VAC14: variants seen among roughly 807,000 people sequenced by gnomAD.
The protein encoded by VAC14 is VAC14 component of PIKFYVE complex.
In VAC14, 47 loss-of-function variants were observed where a neutral mutation model predicts 85.3. The ratio of observed to expected loss-of-function variants is 0.55; its 90% confidence interval spans 0.44 to 0.70. The LOEUF is 0.70. Ranked by LOEUF, VAC14 falls within the 30% of genes least tolerant of loss-of-function variation. VAC14 has a pLI of 0.00. For missense variants in VAC14, 861 were observed against 1,004.3 expected (o/e 0.86, Z 1.93); for synonymous variants, 447 against 430.5 (o/e 1.04, Z -0.47).
chr16:70,736,465 G>C (rs12447429), intron 13 of VAC14, among the ~76,000 whole-genome samples: 1 of 152,196 alleles, frequency 6.6e-6, no homozygotes, highest in African/African-American at 2.4e-5. Context: ...TGAGGAAGAA[G>C]GGGGGCCACC....
At chr16:70,797,676 G>C (rs1235835418) in intron 1 of VAC14, among the ~76,000 whole-genome samples, 1 of 152,200 alleles carries the variant, frequency 6.6e-6, no homozygotes, top group African/African-American at 2.4e-5. Flanking sequence ...CCCAGTGTTG[G>C]AGATGGGGCC....
intron 10 of VAC14, 88 bp downstream of exon 10, chr16:70,772,021 C>T: frequency 7.9e-7 from 1 of 1,261,214 alleles, no homozygotes; most frequent in African/African-American, 1.5e-5. Context: ...TAGAATTTGC[C>T]TTGGGTCATT....
At chr16:70,729,054 C>A (rs1166373234) in intron 14 of VAC14, among the ~76,000 whole-genome samples, 1 of 152,210 alleles carries the variant, frequency 6.6e-6, no homozygotes, top group Non-Finnish European at 1.5e-5. Flanking sequence ...GTCTCTCTGA[C>A]ACGGTGGTTC....
intron 12 of VAC14, among the ~76,000 whole-genome samples, chr16:70,753,703 A>G (rs1427494077): frequency 6.6e-6 from 1 of 152,176 alleles, no homozygotes; most frequent in Non-Finnish European, 1.5e-5. Context: ...ACGACTGAGG[A>G]AGGCCGGGAG....
chr16:70,700,623 G>A (rs934907947), intron 14 of VAC14, among the ~76,000 whole-genome samples: 1 of 152,232 alleles, frequency 6.6e-6, no homozygotes, highest in Admixed American at 6.5e-5. Context: ...TGGCTGCAGA[G>A]GGAAAGCCCA....
chr16:70,745,840 G>C (rs1597925430), intron 12 of VAC14, among the ~76,000 whole-genome samples: 1 of 20,880 alleles, frequency 4.8e-5, no homozygotes, highest in Non-Finnish European at 2.1e-4. Flanking sequence ...CTTCAGCCCT[G>C]GACCAGGGAA....
At chr16:70,783,225 C>T in intron 6 of VAC14, 86 bp from the exon 7 acceptor site, 1 of 1,417,286 alleles carries the variant, frequency 7.1e-7, no homozygotes, top group Non-Finnish European at 9.8e-7. Flanking sequence ...CGTGCTGGGT[C>T]AGCCACCCAG....
At position 70,790,372 on chromosome 16, in the gene VAC14, T is replaced by C. The variant is rs187583339; in HGVS notation, c.105-4007A>G. Among the ~76,000 whole-genome samples the C allele has an allele frequency of 5.0e-4, 76 of 152,130 alleles. No individual in the cohort carries two copies. In the East Asian group the frequency reaches 0.01, roughly 21 times the overall value. On this transcript the variant is annotated intron_variant, in intron 1 of 18. Transcript: ENST00000261776. ...AGAAAAGCCACAGGTGGAGGGGAAG[T>C]AGGTGACAGGGTTGGAAAAGCTGCT...
At chr16:70,780,375 G>A (rs760528451) in intron 9 of VAC14, among the ~76,000 whole-genome samples, 8 of 152,024 alleles carry the variant, frequency 5.3e-5, no homozygotes, top group African/African-American at 1.7e-4. Context: ...GGACGTCTAC[G>A]GCCAAGAATC....
At chr16:70,732,748 T>C (rs563874468) in intron 13 of VAC14, among the ~76,000 whole-genome samples, 1 of 152,052 alleles carries the variant, frequency 6.6e-6, no homozygotes, top group Non-Finnish European at 1.5e-5. Flanking sequence ...ATTCAAGCTA[T>C]CCTCTTGTCC....
At chr16:70,765,338 G>A (rs1024581122) in intron 10 of VAC14, among the ~76,000 whole-genome samples, 1 of 152,160 alleles carries the variant, frequency 6.6e-6, no homozygotes, top group Non-Finnish European at 1.5e-5. Flanking sequence ...GGGCGGTGCC[G>A]TGACCAGGTC....
At chr16:70,759,307 G>T (rs1435843177) in intron 12 of VAC14, among the ~76,000 whole-genome samples, 1 of 152,212 alleles carries the variant, frequency 6.6e-6, no homozygotes, top group African/African-American at 2.4e-5. Flanking sequence ...CGAAGGATCT[G>T]GGGGCTGAAG....
chr16:70,755,807 C>T (rs1418099927), intron 12 of VAC14, among the ~76,000 whole-genome samples: 1 of 152,212 alleles, frequency 6.6e-6, no homozygotes, highest in Non-Finnish European at 1.5e-5. Flanking sequence ...TTAGTGGAAG[C>T]CCCCATTTTG....
At chr16:70,755,656 C>G (rs1460879045) in intron 12 of VAC14, among the ~76,000 whole-genome samples, 1 of 152,238 alleles carries the variant, frequency 6.6e-6, no homozygotes. Flanking sequence ...AGCTGGGGCC[C>G]TCTCCTCCTC....
intron 15 of VAC14, among the ~76,000 whole-genome samples, 183 bp downstream of exon 15, chr16:70,698,454 T>C (rs2053757584): frequency 6.6e-6 from 1 of 152,066 alleles, no homozygotes; most frequent in Admixed American, 6.5e-5. Flanking sequence ...GACGCACCCA[T>C]GGTTAGTGCT....
In VAC14 at chr16:70,695,904, G is replaced by A. The variant is rs556631222; in HGVS notation, c.1956-281C>T. On this transcript the variant is annotated intron_variant, in intron 16 of 18. Transcript: ENST00000261776. The stretch of plus-strand genomic sequence containing the variant: ...TCTTATCACAGCGCTGCAGCCCGTT[G>A]GGGGAGGGCTGGGCAGGAAGGGTTC... The A allele has an allele frequency of 1.0e-4, 32 of 317,180 alleles. No individual in the cohort carries two copies. In the South Asian group the frequency reaches 1.9e-3, roughly 18 times the overall value. 19.6% of individuals were successfully genotyped at this position (317,180 alleles called of 1,614,324 possible). A position where few individuals can be genotyped will look rare whatever the true frequency, so the allele number is the denominator to read the frequency against.
chr16:70,751,067 T>C (rs2031347536), intron 12 of VAC14, among the ~76,000 whole-genome samples: 2 of 152,190 alleles, frequency 1.3e-5, no homozygotes, highest in Non-Finnish European at 2.9e-5. Flanking sequence ...TGGATGGCTC[T>C]GAGCAGCTCC....
At chr16:70,713,071 C>CG (rs2054070495) in intron 14 of VAC14, among the ~76,000 whole-genome samples, 1 of 152,086 alleles carries the variant, frequency 6.6e-6, no homozygotes, top group South Asian at 2.1e-4. Flanking sequence ...GCTTCAAAGG[C>CG]GTATGTTTCA....
chr16:70,707,097 A>G (rs1224927002), intron 14 of VAC14, among the ~76,000 whole-genome samples: 1 of 152,146 alleles, frequency 6.6e-6, no homozygotes, highest in Non-Finnish European at 1.5e-5. Context: ...GTAGCCTCCC[A>G]TCTCTAGTCC....
Sources: gnomAD v4.1 joint callset for allele counts (sites outside exome capture counted in the v4.1 genomes callset) on GRCh38, gnomAD v4.1.1 for gene constraint, MANE v1.5 for transcripts, NCBI Gene and HGNC (gene_info 2026-07-23, HGNC 2026-07-21) for gene names.